Variants in PLEKHH2 observed in about 807,000 individuals in gnomAD.
PLEKHH2 encodes the protein pleckstrin homology domain-containing family H member 2.
PLEKHH2 carries 129 observed loss-of-function variants against 187.9 expected under a neutral mutation model. The ratio of observed to expected loss-of-function variants is 0.69; its 90% CI spans 0.59 to 0.79. PLEKHH2 has a LOEUF of 0.79. PLEKHH2 is among the 30% of genes least tolerant of loss of function. PLEKHH2 has a pLI of 0.00. For synonymous variants in PLEKHH2, 686 were observed against 605.6 expected (o/e 1.13, Z -1.95); for missense variants, 2,076 against 1,751.2 (o/e 1.19, Z -3.31).
At chr2:43,694,563 A>C (rs780129987) in intron 5 of PLEKHH2, 49 bp downstream of exon 5, 11 of 1,475,380 alleles carry the variant, frequency 7.5e-6, no homozygotes, top group Admixed American at 7.3e-5. Flanking sequence ...ACTTCTTTTG[A>C]ATTGATACAT....
intron 19 of PLEKHH2, among the ~76,000 whole-genome samples, chr2:43,732,586 A>G (rs772959928): frequency 6.6e-6 from 1 of 152,158 alleles, no homozygotes; most frequent in Non-Finnish European, 1.5e-5. Context: ...AAAAGCTTCA[A>G]TTCGAACATC....
chr2:43,711,893 CAAA>C (rs58170865), intron 14 of PLEKHH2: 1,620 of 836,222 alleles, frequency 1.9e-3, no homozygotes, highest in South Asian at 3.9e-3. Context: ...GACTCTGTCT[CAAA>C]AAAAAAAAAA....
intron 2 of PLEKHH2, among the ~76,000 whole-genome samples, chr2:43,671,064 A>G (rs562679934): frequency 6.6e-6 from 1 of 151,632 alleles, no homozygotes; most frequent in African/African-American, 2.4e-5. Context: ...GCTCACTGCA[A>G]CCTCTGCCTC....
At chr2:43,728,605 A>T (rs112241551) in intron 17 of PLEKHH2, among the ~76,000 whole-genome samples, 2 of 145,800 alleles carry the variant, frequency 1.4e-5, no homozygotes, top group African/African-American at 2.5e-5. Flanking sequence ...TCTGTTGCCC[A>T]GGCTGGAGTG....
In PLEKHH2 at chr2:43,738,962, G is replaced by A. The variant is rs186078388; in HGVS notation, c.3123+442G>A. 2.9e-3 allele frequency among the ~76,000 whole-genome samples: 444 copies of A among 152,254 alleles called. 4 individuals carry two copies. Among genetic ancestry groups the A allele is most frequent in the African/African-American group, 0.01 (418 of 41,550 alleles). The stretch of plus-strand genomic sequence containing the variant: ...GCTGGAGTGCAATGGCACAATGTCG[G>A]CTCACTGGAACCTCCGCCTCCCGGG... On this transcript the variant is annotated intron_variant, in intron 20 of 29. Coordinates refer to ENST00000282406, the MANE Select transcript of PLEKHH2 (RefSeq NM_172069.4).
intron 2 of PLEKHH2, among the ~76,000 whole-genome samples, chr2:43,656,573 C>T (rs1156366353): frequency 1.2e-4 from 19 of 152,342 alleles, no homozygotes; most frequent in Non-Finnish European, 1.0e-4. Context: ...CTACACATAA[C>T]AGGCTAACCT....
chr2:43,743,280 T>A (rs1671650114), intron 22 of PLEKHH2, among the ~76,000 whole-genome samples: 1 of 152,134 alleles, frequency 6.6e-6, no homozygotes, highest in South Asian at 2.1e-4. Context: ...TCTCCAAATC[T>A]CAGAAATTAT....
chr2:43,695,305 C>A, intron 6 of PLEKHH2, 81 bp downstream of exon 6: 3 of 652,392 alleles, frequency 4.6e-6, no homozygotes, highest in Non-Finnish European at 7.1e-6. Context: ...TTTAAAGATG[C>A]GATTATGGAT....
At chr2:43,679,206 A>G (rs1347721323) in intron 3 of PLEKHH2, among the ~76,000 whole-genome samples, 1 of 152,240 alleles carries the variant, frequency 6.6e-6, no homozygotes, top group African/African-American at 2.4e-5. Context: ...TAAGTTTTGT[A>G]TATAAATATG....
intron 3 of PLEKHH2, among the ~76,000 whole-genome samples, chr2:43,682,966 T>G (rs1166902257): frequency 6.6e-6 from 1 of 150,924 alleles, no homozygotes; most frequent in African/African-American, 2.5e-5. Context: ...ACACACAATT[T>G]GTTTATCCAT....
rs771621351 is a variant in PLEKHH2 at position 43,742,736 on chromosome 2, T to C, written c.3222-5T>C. On this transcript the variant is annotated splice_region_variant and splice_polypyrimidine_tract_variant and intron_variant, in intron 21 of 29. Transcript: ENST00000282406. Reference sequence around the variant, plus strand: ...TTAGATTTTATCTTAAGTTTTGTATTACAGGACAGAATTTGGAAAATATGC... The same window carrying C: ...TTAGATTTTATCTTAAGTTTTGTATCACAGGACAGAATTTGGAAAATATGC... 1.6e-5 allele frequency: 24 copies of C among 1,540,186 alleles called. No homozygotes were observed. In the South Asian group the frequency reaches 3.1e-4, roughly 20 times the overall value.
intron 2 of PLEKHH2, chr2:43,675,813 A>T (rs746780615): frequency 3.1e-6 from 5 of 1,613,792 alleles, no homozygotes; most frequent in Middle Eastern, 1.6e-4. Flanking sequence ...CAAATATAAC[A>T]GTGTGGCCCA....
Position 43,743,941 on chromosome 2 carries a change from C to T in PLEKHH2, c.3507C>T (p.Asp1169=), listed in dbSNP as rs767084147. 1.2e-5 allele frequency: 20 copies of T among 1,614,036 alleles called. No individual in the cohort carries two copies. The highest frequency in any genetic ancestry group is 1.7e-5 in the Admixed American group (1 of 60,020). ...AGTCTGGATTTGCGTTGTTCACTGA[C>T]GATCCTTCTGGCAGAGATTTAGAGC... ...PAQSGFALFT[D]DPSGRDLEHC... Residue 1169 remains aspartate, a synonymous_variant, in exon 23 of 30, where the codon GAC becomes GAT. Coordinates refer to ENST00000282406, the MANE Select transcript of PLEKHH2 (RefSeq NM_172069.4).
At chr2:43,703,306 G>C (rs1669480390) in intron 8 of PLEKHH2, among the ~76,000 whole-genome samples, 1 of 152,156 alleles carries the variant, frequency 6.6e-6, no homozygotes, top group Non-Finnish European at 1.5e-5. Flanking sequence ...TCCAGTACCT[G>C]TTTCAGAGAT....
chr2:43,651,242 T>C (rs1666457193), intron 2 of PLEKHH2, among the ~76,000 whole-genome samples: 1 of 152,016 alleles, frequency 6.6e-6, no homozygotes, highest in Non-Finnish European at 1.5e-5. Context: ...ACCATTGTTG[T>C]ATTTTTAGTA....
At chr2:43,652,184 G>A (rs772195894) in intron 2 of PLEKHH2, among the ~76,000 whole-genome samples, 7 of 152,140 alleles carry the variant, frequency 4.6e-5, no homozygotes, top group South Asian at 2.1e-4. Flanking sequence ...TTTTTTAGCA[G>A]GAAGTAAATG....
At position 43,743,858 on chromosome 2, in the gene PLEKHH2, A is replaced by G; in HGVS notation, c.3424A>G (p.Thr1142Ala). 1.2e-6 allele frequency: 2 copies of G among 1,614,062 alleles called. No homozygotes were observed. The highest frequency in any genetic ancestry group is 2.2e-5 in the East Asian group (1 of 44,886). The change falls in exon 23 of 30, where the codon ACA becomes GCA. Residue 1142 changes from threonine to alanine, a missense_variant. Coordinates refer to ENST00000282406, the MANE Select transcript of PLEKHH2 (RefSeq NM_172069.4). The part of the protein sequence containing the change: ...YQVVGFDAST[T>A]VEEFLNTLNQ... ...GGTAGTTGGTTTTGACGCATCTACC[A>G]CAGTGGAAGAATTTTTGAATACTTT...
chr2:43,729,151 A>G (rs1416484580), intron 17 of PLEKHH2, among the ~76,000 whole-genome samples: 1 of 152,216 alleles, frequency 6.6e-6, no homozygotes, highest in African/African-American at 2.4e-5. Context: ...TACTTTCAGA[A>G]TAATTCAACT....
At chr2:43,646,545 A>C (rs1026806910) in intron 2 of PLEKHH2, among the ~76,000 whole-genome samples, 4 of 152,212 alleles carry the variant, frequency 2.6e-5, no homozygotes, top group African/African-American at 9.7e-5. Context: ...TTTGGGTTGC[A>C]ATTAGTTGAC....
Sources: gnomAD v4.1 joint callset for allele counts (sites outside exome capture counted in the v4.1 genomes callset) on GRCh38, gnomAD v4.1.1 for gene constraint, MANE v1.5 for transcripts, NCBI Gene and HGNC (gene_info 2026-07-23, HGNC 2026-07-21) for gene names.